The following TFAP2D variants were observed in gnomAD, a reference collection of about 807,000 sequenced individuals.
TFAP2D encodes transcription factor AP-2 delta.
A neutral mutation model predicts 43.6 loss-of-function variants in TFAP2D; 9 were observed. The observed-to-expected ratio is 0.21, with a 90% CI of 0.12 to 0.36. TFAP2D has a LOEUF of 0.36. TFAP2D is among the 10% of genes least tolerant of loss of function. The pLI is 1.00. For synonymous variants in TFAP2D, 256 were observed against 224.9 expected (o/e 1.14, Z -1.24); for missense variants, 513 against 561.4 (o/e 0.91, Z 0.87).
At chr6:50,724,578 C>T (rs1405907802) in intron 3 of TFAP2D, among the ~76,000 whole-genome samples, 1 of 152,020 alleles carries the variant, frequency 6.6e-6, no homozygotes, top group Non-Finnish European at 1.5e-5. Flanking sequence ...CGTTCTGAGA[C>T]GGGGGAGGCG....
chr6:50,754,304 T>G (rs1769236523), intron 7 of TFAP2D, among the ~76,000 whole-genome samples: 1 of 151,862 alleles, frequency 6.6e-6, no homozygotes, highest in African/African-American at 2.4e-5. Flanking sequence ...TGTCAAAATT[T>G]TCTTCCTTTT....
chr6:50,748,636 C>T (rs572386182), intron 6 of TFAP2D, among the ~76,000 whole-genome samples: 18 of 151,584 alleles, frequency 1.2e-4, no homozygotes, highest in East Asian at 5.8e-4. Context: ...TTTATTTAGG[C>T]GAAAGAATAG....
At position 50,728,959 on chromosome 6, in the gene TFAP2D, A is replaced by G; in HGVS notation, c.702A>G (p.Val234=). Residue 234 remains valine (V), a synonymous_variant, in exon 4 of 8, where the codon GTA becomes GTG. Coordinates refer to ENST00000008391, the MANE Select transcript of TFAP2D (RefSeq NM_172238.4). ...TSKYKVTIAE[V]KRRLSPPECL... Reference sequence around the variant, plus strand: ...AATACAAGGTGACCATTGCTGAGGTAAAGAGGCGCCTCTCCCCACCTGAGT... The same window carrying G: ...AATACAAGGTGACCATTGCTGAGGTGAAGAGGCGCCTCTCCCCACCTGAGT... 6.2e-7 allele frequency: 1 copy of G among 1,614,064 alleles called. No individual in the cohort carries two copies. The highest frequency in any genetic ancestry group is 8.5e-7 in the Non-Finnish European group (1 of 1,179,952).
Position 50,714,050 on chromosome 6 carries a change from C to A in TFAP2D, c.-6C>A, listed in dbSNP as rs768284152. The A allele has an allele frequency of 6.2e-7, 1 of 1,611,814 alleles. No individual in the cohort carries two copies. Among genetic ancestry groups the A allele is most frequent in the African/African-American group, 1.3e-5 (1 of 74,354 alleles). On this transcript the variant is annotated 5_prime_UTR_variant, in exon 1 of 8. Transcript: ENST00000008391. ...ATTGCATCGTAAGCTTTCGGAGAAA[C>A]CCAACATGTCAACTACCTTTCCGGG...
At chr6:50,748,447 A>G (rs1238589443) in intron 6 of TFAP2D, among the ~76,000 whole-genome samples, 1 of 151,844 alleles carries the variant, frequency 6.6e-6, no homozygotes, top group Non-Finnish European at 1.5e-5. Flanking sequence ...GCTAATCTAC[A>G]TTGTCAGATT....
Position 50,773,025 on chromosome 6 carries a change from A to G in TFAP2D, c.*161A>G. On this transcript the variant is annotated 3_prime_UTR_variant, in exon 8 of 8. Coordinates refer to ENST00000008391, the MANE Select transcript of TFAP2D (RefSeq NM_172238.4). Reference sequence around the variant, plus strand: ...GAAATGAAAAATGAAACAAAAAAGGACAAAACCAAAAAAAAAAGAAAAAAA... The same window carrying G: ...GAAATGAAAAATGAAACAAAAAAGGGCAAAACCAAAAAAAAAAGAAAAAAA... The G allele has an allele frequency of 1.5e-6, 1 of 649,970 alleles. No individual in the cohort carries two copies. Among genetic ancestry groups the G allele is most frequent in the Non-Finnish European group, 2.5e-6 (1 of 406,910 alleles). 40.3% of individuals were successfully genotyped at this position (649,970 alleles called of 1,614,324 possible). A position where few individuals can be genotyped will look rare whatever the true frequency, so the allele number is the denominator to read the frequency against.
intron 5 of TFAP2D, among the ~76,000 whole-genome samples, chr6:50,741,836 T>C (rs746550314): frequency 3.3e-5 from 5 of 151,216 alleles, no homozygotes; most frequent in Admixed American, 2.6e-4. Context: ...ATGGCAGCCA[T>C]ACTTGCTGTT....
chr6:50,718,386 C>T (rs543294773), intron 2 of TFAP2D, among the ~76,000 whole-genome samples: 1 of 152,028 alleles, frequency 6.6e-6, no homozygotes, highest in Non-Finnish European at 1.5e-5. Context: ...TCCAATACCT[C>T]GTTTGTTTGT....
Position 50,715,066 on chromosome 6 carries a change from T to C in TFAP2D, c.40-50T>C, listed in dbSNP as rs985146913. The stretch of plus-strand genomic sequence containing the variant: ...GGAGAGCGGCGCCTTGGTTGCAAAA[T>C]GACAAACCTCAAGTTTTTCTGCTCT... On this transcript the variant is annotated intron_variant, in intron 1 of 7. Transcript: ENST00000008391. The C allele has an allele frequency of 7.0e-6, 11 of 1,579,560 alleles. No individual in the cohort carries two copies. The Admixed American group carries it at 1.7e-4, about 25-fold the overall frequency.
chr6:50,753,225 C>T (rs565049867), intron 7 of TFAP2D, among the ~76,000 whole-genome samples: 2 of 151,966 alleles, frequency 1.3e-5, no homozygotes, highest in East Asian at 1.9e-4. Flanking sequence ...TATTAAAGTA[C>T]AGAGAAATGA....
intron 5 of TFAP2D, among the ~76,000 whole-genome samples, chr6:50,734,493 T>A (rs1768936197): frequency 6.6e-6 from 1 of 152,066 alleles, no homozygotes; most frequent in Non-Finnish European, 1.5e-5. Context: ...TATCAGGGAC[T>A]TTTTTATTGT....
At chr6:50,730,414 T>A (rs1768870084) in intron 5 of TFAP2D, among the ~76,000 whole-genome samples, 1 of 152,048 alleles carries the variant, frequency 6.6e-6, no homozygotes, top group African/African-American at 2.4e-5. Context: ...ATGTTCTAGG[T>A]CTTGTGTTGT....
chr6:50,767,918 C>T (rs1156808919), intron 7 of TFAP2D, among the ~76,000 whole-genome samples: 4 of 152,158 alleles, frequency 2.6e-5, no homozygotes, highest in Non-Finnish European at 5.9e-5. Flanking sequence ...TTATCTAACA[C>T]AATGCAAGTT....
At chr6:50,762,209 C>CACTGTTAAA (rs1769372707) in intron 7 of TFAP2D, among the ~76,000 whole-genome samples, 2 of 152,164 alleles carry the variant, frequency 1.3e-5, no homozygotes, top group Admixed American at 1.3e-4. Context: ...TTTTGACACC[C>CACTGTTAAA]ACTGTTAAGA....
chr6:50,772,894 G>C lies in TFAP2D; in HGVS notation c.*30G>C. On this transcript the variant is annotated 3_prime_UTR_variant, in exon 8 of 8. Coordinates refer to ENST00000008391, the MANE Select transcript of TFAP2D (RefSeq NM_172238.4). Reference sequence around the variant, plus strand: ...ATCAAACAGAATCTATTTCCAGAGAGTCTTGCTGCTGATATTTTTTCTAAT... The same window carrying C: ...ATCAAACAGAATCTATTTCCAGAGACTCTTGCTGCTGATATTTTTTCTAAT... 1 of 1,574,828 alleles carries C rather than the reference G, an allele frequency of 6.3e-7. No homozygotes were observed. Among genetic ancestry groups the C allele is most frequent in the Non-Finnish European group, 8.6e-7 (1 of 1,157,552 alleles).
At chr6:50,748,441 A>C (rs867286955) in intron 6 of TFAP2D, among the ~76,000 whole-genome samples, 2 of 151,940 alleles carry the variant, frequency 1.3e-5, no homozygotes, top group African/African-American at 4.8e-5. Context: ...CCAATTGCTA[A>C]TCTACATTGT....
At chr6:50,762,395 A>G (rs957580777) in intron 7 of TFAP2D, among the ~76,000 whole-genome samples, 1 of 152,020 alleles carries the variant, frequency 6.6e-6, no homozygotes, top group African/African-American at 2.4e-5. Context: ...ACACACAAAC[A>G]CACTACACAC....
intron 5 of TFAP2D, 65 bp from the exon 6 acceptor site, chr6:50,745,042 G>T: frequency 6.3e-7 from 1 of 1,582,116 alleles, no homozygotes; most frequent in Non-Finnish European, 8.6e-7. Flanking sequence ...TGAGCAAAAT[G>T]CAAGACACTA....
At chr6:50,715,743 TC>T (rs1768614631) in intron 2 of TFAP2D, 130 bp downstream of exon 2, 1 of 672,446 alleles carries the variant, frequency 1.5e-6, no homozygotes, top group African/African-American at 2.2e-5. Flanking sequence ...TCTCTCTCTC[TC>T]TCTCTCACAC....
Sources: gnomAD v4.1 joint callset for allele counts (sites outside exome capture counted in the v4.1 genomes callset) on GRCh38, gnomAD v4.1.1 for gene constraint, MANE v1.5 for transcripts, NCBI Gene and HGNC (gene_info 2026-07-23, HGNC 2026-07-21) for gene names.